Variants in BCKDHB observed in about 807,000 individuals in gnomAD.
BCKDHB encodes branched chain keto acid dehydrogenase E1 subunit beta.
A neutral mutation model predicts 48.5 loss-of-function variants in BCKDHB; 41 were observed. The observed-to-expected ratio is 0.85, with a 90% CI of 0.66 to 1.10. The LOEUF is 1.10. Among genes scored for constraint, BCKDHB ranks in the 50% least tolerant of loss-of-function variants. The probability of loss-of-function intolerance (pLI) is 0.00; values close to 1 mark genes in which losing one functional copy is unlikely to be tolerated. For missense variants in BCKDHB, 496 were observed against 494.2 expected, an observed-to-expected ratio of 1.00 and a Z score of -0.03; for synonymous variants, 201 against 174.8, an observed-to-expected ratio of 1.15 and a Z score of -1.18.
the BCKDHB span, among the ~76,000 whole-genome samples, chr6:80,427,086 T>G: frequency 6.6e-6 from 1 of 152,116 alleles, no homozygotes; most frequent in Admixed American, 6.5e-5. Flanking sequence ...GATTATAAAA[T>G]GTCCATCTTT....
intron 8 of BCKDHB, among the ~76,000 whole-genome samples, chr6:80,244,642 G>A (rs1776532055): frequency 3.3e-5 from 5 of 152,144 alleles, no homozygotes. Flanking sequence ...AACAGATAAT[G>A]TCTTCTAATA....
At chr6:80,305,451 T>C (rs549304570) in intron 9 of BCKDHB, among the ~76,000 whole-genome samples, 5 of 152,268 alleles carry the variant, frequency 3.3e-5, no homozygotes, top group Non-Finnish European at 7.4e-5. Context: ...TTAAAAATGT[T>C]TTTTAAAAGA....
At chr6:80,331,306 C>T (rs1769305053) in intron 9 of BCKDHB, among the ~76,000 whole-genome samples, 1 of 151,992 alleles carries the variant, frequency 6.6e-6, no homozygotes, top group African/African-American at 2.4e-5. Flanking sequence ...GCACTTTTAC[C>T]TACTGGAATT....
intron 9 of BCKDHB, among the ~76,000 whole-genome samples, chr6:80,295,612 C>G (rs1382745100): frequency 8.8e-6 from 1 of 113,070 alleles, no homozygotes; most frequent in Non-Finnish European, 1.9e-5. Context: ...CCAATTGTGT[C>G]CTGTTACCAG....
At chr6:80,136,763 C>A (rs1387925494) in intron 3 of BCKDHB, among the ~76,000 whole-genome samples, 1 of 151,754 alleles carries the variant, frequency 6.6e-6, no homozygotes, top group Non-Finnish European at 1.5e-5. Context: ...AAAAAAAACC[C>A]CAATCAATTA....
chr6:80,232,224 G>C (rs1418013537), intron 8 of BCKDHB, among the ~76,000 whole-genome samples: 1 of 151,202 alleles, frequency 6.6e-6, no homozygotes, highest in Non-Finnish European at 1.5e-5. Context: ...ACTGTCACCT[G>C]TCACTTCCCT....
rs1325171878 is a variant in BCKDHB, at chr6:80,278,605, G to A, written c.1038+5384G>A. 2.0e-5 allele frequency among the ~76,000 whole-genome samples: 3 copies of A among 152,014 alleles called. No homozygotes were observed. The East Asian group carries it at 5.8e-4, about 29-fold the overall frequency. ...GAGGGAGTCTCGCTCTGTCGCCCAGGCTGGAGTGCAGTGGCGCAATCTCAG... is the reference window on the plus strand; with the variant it reads ...GAGGGAGTCTCGCTCTGTCGCCCAGACTGGAGTGCAGTGGCGCAATCTCAG... On this transcript the variant is annotated intron_variant, in intron 9 of 9. Coordinates refer to ENST00000320393, the MANE Select transcript of BCKDHB (RefSeq NM_183050.4).
rs138009634 is a variant in BCKDHB at position 80,290,981 on chromosome 6, T to C, written c.1038+17760T>C. 3.3e-4 allele frequency among the ~76,000 whole-genome samples: 50 copies of C among 152,338 alleles called. No individual in the cohort carries two copies. The East Asian group carries it at 4.1e-3, about 12-fold the overall frequency. On this transcript the variant is annotated intron_variant, in intron 9 of 9. Transcript: ENST00000320393. Reference sequence around the variant, plus strand: ...TCAGGATGACCTGAGGTCACTCTCATTGCCATCTTGGTTTTGGTGGGTCTT... The same window carrying C: ...TCAGGATGACCTGAGGTCACTCTCACTGCCATCTTGGTTTTGGTGGGTCTT...
At chr6:80,338,478 T>G (rs1275727167) in intron 9 of BCKDHB, among the ~76,000 whole-genome samples, 3 of 152,130 alleles carry the variant, frequency 2.0e-5, no homozygotes, top group Admixed American at 2.0e-4. Context: ...GAGGCCTGAG[T>G]GCATTTAAGG....
intron 9 of BCKDHB, among the ~76,000 whole-genome samples, chr6:80,315,037 C>T (rs1768366881): frequency 6.6e-6 from 1 of 152,240 alleles, no homozygotes; most frequent in African/African-American, 2.4e-5. Context: ...GCAGCCTCCA[C>T]ACTGTTTCCA....
intron 9 of BCKDHB, among the ~76,000 whole-genome samples, chr6:80,342,556 GAAAAAAAAAAAAA>G: frequency 4.1e-5 from 1 of 24,098 alleles, no homozygotes; most frequent in East Asian, 1.4e-3. Context: ...CCTCATTTCT[GAAAAAAAAAAAAA>G]AAAAAAAAAA....
chr6:80,130,657 A>G (rs2127729570), intron 3 of BCKDHB, among the ~76,000 whole-genome samples: 1 of 152,342 alleles, frequency 6.6e-6, no homozygotes, highest in Admixed American at 6.5e-5. Flanking sequence ...TTTGATTTCA[A>G]AAGTAATGCA....
In BCKDHB at chr6:80,106,752, A is replaced by T; in HGVS notation, c.59A>T (p.Glu20Val). The change falls in exon 1 of 10, where the codon GAG becomes GTG. Residue 20 changes from glutamate (E) to valine (V), a missense_variant. Coordinates refer to ENST00000320393, the MANE Select transcript of BCKDHB (RefSeq NM_183050.4). ...WLLRLRAAGA[E>V]GHWRRLPGAG... ...CTCAGGCTCAGGGCGGCAGGGGCTG[A>T]GGGGCACTGGCGTCGGCTTCCTGGC... The T allele has an allele frequency of 1.3e-6, 2 of 1,573,682 alleles. No homozygotes were observed. The highest frequency in any genetic ancestry group is 1.8e-5 in the Admixed American group (1 of 54,262).
intron 8 of BCKDHB, among the ~76,000 whole-genome samples, chr6:80,215,131 G>C (rs1775108244): frequency 1.3e-5 from 2 of 152,104 alleles, no homozygotes; most frequent in South Asian, 4.1e-4. Flanking sequence ...TTTTCCTTAG[G>C]CATAGGGAAA....
chr6:80,347,655 G>C (rs1405312144), downstream of BCKDHB, among the ~76,000 whole-genome samples: 1 of 152,116 alleles, frequency 6.6e-6, no homozygotes, highest in Non-Finnish European at 1.5e-5. Flanking sequence ...GAAATAGCAA[G>C]TGTGAGAATA....
intron 3 of BCKDHB, among the ~76,000 whole-genome samples, chr6:80,134,743 T>TTTTATTTATTTATTTATTTA (rs369623862): frequency 6.0e-5 from 9 of 151,188 alleles, no homozygotes; most frequent in African/African-American, 1.9e-4. Flanking sequence ...TTTTGTTTTA[T>TTTTATTTATTTATTTATTTA]TTTATTTATT....
chr6:80,394,088 G>A, the BCKDHB span, among the ~76,000 whole-genome samples: 9 of 152,126 alleles, frequency 5.9e-5, no homozygotes, highest in East Asian at 1.9e-4. Flanking sequence ...TACTTTGTCT[G>A]TAAATTGATT....
chr6:80,426,076 T>C, the BCKDHB span, among the ~76,000 whole-genome samples: 4,373 of 152,244 alleles, frequency 0.029, 165 homozygotes, highest in African/African-American at 0.086. Flanking sequence ...CACCACACTT[T>C]GCTGTCAGGC....
intron 8 of BCKDHB, among the ~76,000 whole-genome samples, chr6:80,236,846 T>G (rs1776167923): frequency 6.6e-6 from 1 of 152,238 alleles, no homozygotes; most frequent in Non-Finnish European, 1.5e-5. Context: ...TATTATCACT[T>G]CTTGGAAAAA....
Sources: allele counts gnomAD v4.1 joint callset (sites outside exome capture counted in the v4.1 genomes callset), GRCh38; gene constraint gnomAD v4.1.1; transcripts MANE v1.5; gene names NCBI Gene and HGNC (gene_info 2026-07-23, HGNC 2026-07-21).